The following RAD51B variants were observed in gnomAD, a reference collection of about 807,000 sequenced individuals.
RAD51B encodes DNA repair protein RAD51 homolog 2.
A neutral mutation model predicts 42.2 loss-of-function variants in RAD51B; 38 were observed. The ratio of observed to expected loss-of-function variants is 0.90; its 90% confidence interval spans 0.70 to 1.18. The LOEUF is 1.18. Ranked by LOEUF, RAD51B falls within the 50% of genes most tolerant of loss-of-function variation. The pLI is 0.00. For missense variants in RAD51B, 373 were observed against 400.7 expected, an observed-to-expected ratio of 0.93 and a Z score of 0.59; for synonymous variants, 154 against 145.2, an observed-to-expected ratio of 1.06 and a Z score of -0.43.
At chr14:68,254,400 T>A (rs1198905828) in intron 7 of RAD51B, among the ~76,000 whole-genome samples, 1 of 152,126 alleles carries the variant, frequency 6.6e-6, no homozygotes, top group African/African-American at 2.4e-5. Flanking sequence ...CACATCTCCA[T>A]TTTCACTAAC....
chr14:68,665,156 G>C (rs544102610), intron 11 of RAD51B, among the ~76,000 whole-genome samples: 1 of 152,228 alleles, frequency 6.6e-6, no homozygotes, highest in Non-Finnish European at 1.5e-5. Context: ...TAAGGCTTTT[G>C]TTGGCAAGAC....
At chr14:68,614,179 C>T (rs1891779136), downstream of RAD51B, among the ~76,000 whole-genome samples, 1 of 152,200 alleles carries the variant, frequency 6.6e-6, no homozygotes, top group African/African-American at 2.4e-5. Flanking sequence ...GTAGCAACCA[C>T]AGCTAAGAAC....
chr14:68,206,935 G>A (rs370490524), intron 7 of RAD51B, among the ~76,000 whole-genome samples: 3 of 151,874 alleles, frequency 2.0e-5, no homozygotes, highest in Admixed American at 1.3e-4. Flanking sequence ...GACTACAGGC[G>A]CCCGCCAACG....
chr14:67,842,342 A>G (rs1264495178), intron 4 of RAD51B, among the ~76,000 whole-genome samples: 2 of 151,976 alleles, frequency 1.3e-5, no homozygotes, highest in East Asian at 3.9e-4. Flanking sequence ...CAGTGAAGAG[A>G]GATGATTTTG....
At chr14:67,947,668 A>G (rs1193628587) in intron 7 of RAD51B, among the ~76,000 whole-genome samples, 1 of 152,192 alleles carries the variant, frequency 6.6e-6, no homozygotes, top group East Asian at 1.9e-4. Context: ...GTTTGAAGCA[A>G]ATGACTTGGG....
At chr14:68,012,690 C>T in intron 7 of RAD51B, among the ~76,000 whole-genome samples, 1 of 151,978 alleles carries the variant, frequency 6.6e-6, no homozygotes, top group East Asian at 1.9e-4. Flanking sequence ...AAAAATATAA[C>T]AGTATCCTTA....
intron 8 of RAD51B, among the ~76,000 whole-genome samples, chr14:68,325,331 A>G (rs1484255013): frequency 6.6e-6 from 1 of 152,182 alleles, no homozygotes; most frequent in Non-Finnish European, 1.5e-5. Flanking sequence ...ATAGGTACCC[A>G]TTATCAGAAG....
chr14:68,120,077 G>A (rs1455397937), intron 7 of RAD51B, among the ~76,000 whole-genome samples: 4 of 152,204 alleles, frequency 2.6e-5, no homozygotes, highest in African/African-American at 9.6e-5. Flanking sequence ...CAGTGATGGT[G>A]AGCGTTTTTT....
At chr14:67,857,039 A>G (rs1442092815) in intron 4 of RAD51B, among the ~76,000 whole-genome samples, 3 of 152,180 alleles carry the variant, frequency 2.0e-5, no homozygotes, top group Non-Finnish European at 4.4e-5. Flanking sequence ...TTGGGGCTGA[A>G]GCTGGGAACT....
chr14:68,190,042 C>CA (rs1312476321), intron 7 of RAD51B, among the ~76,000 whole-genome samples: 1 of 152,094 alleles, frequency 6.6e-6, no homozygotes, highest in Non-Finnish European at 1.5e-5. Context: ...GGAATGATTT[C>CA]AAATTAATTT....
At chr14:68,207,931 G>T (rs901369396) in intron 7 of RAD51B, among the ~76,000 whole-genome samples, 3 of 151,882 alleles carry the variant, frequency 2.0e-5, no homozygotes, top group African/African-American at 7.3e-5. Flanking sequence ...TTTACATTTA[G>T]CTTTTCTTAA....
At chr14:68,276,332 C>T (rs1198411354) in intron 7 of RAD51B, among the ~76,000 whole-genome samples, 1 of 152,184 alleles carries the variant, frequency 6.6e-6, no homozygotes, top group African/African-American at 2.4e-5. Flanking sequence ...GTCATACCTT[C>T]CCATCTCCTA....
At chr14:68,001,896 A>T (rs758084663) in intron 7 of RAD51B, among the ~76,000 whole-genome samples, 7 of 152,300 alleles carry the variant, frequency 4.6e-5, no homozygotes, top group Non-Finnish European at 7.3e-5. Context: ...TTATGGCTGC[A>T]TAGTATTCCA....
At chr14:68,644,840 A>T (rs146699375) in intron 10 of RAD51B, among the ~76,000 whole-genome samples, 274 of 152,292 alleles carry the variant, frequency 1.8e-3, no homozygotes, top group African/African-American at 6.5e-3. Context: ...TAAAGAAGAG[A>T]ATAAAAATAA....
chr14:68,671,498 T>G (rs568035142), intron 11 of RAD51B, among the ~76,000 whole-genome samples: 4 of 151,964 alleles, frequency 2.6e-5, no homozygotes, highest in Non-Finnish European at 5.9e-5. Context: ...TCCCTTTGCT[T>G]GAAATATCTG....
chr14:67,984,779 G>A (rs10143895), intron 7 of RAD51B, among the ~76,000 whole-genome samples: 9,097 of 152,168 alleles, frequency 0.06, 637 homozygotes, highest in African/African-American at 0.17. Context: ...AGGATGCTCC[G>A]TGGTACTCCA....
At chr14:68,278,074 C>T (rs187674668) in intron 7 of RAD51B, among the ~76,000 whole-genome samples, 4 of 152,010 alleles carry the variant, frequency 2.6e-5, no homozygotes, top group Admixed American at 6.6e-5. Flanking sequence ...GGCTCTTTTG[C>T]CTACCAGTGC....
chr14:68,272,670 T>TTA (rs2081141370), intron 7 of RAD51B, among the ~76,000 whole-genome samples: 1 of 11,310 alleles, frequency 8.8e-5, no homozygotes, highest in African/African-American at 3.3e-4. Context: ...TATATATTTT[T>TTA]TTTTTTTTTT....
intron 7 of RAD51B, among the ~76,000 whole-genome samples, chr14:67,931,958 TTTTTTA>T (rs2044754105): frequency 1.3e-5 from 2 of 149,882 alleles, no homozygotes; most frequent in South Asian, 4.3e-4. Flanking sequence ...AATTTTTTAT[TTTTTTA>T]TTTTTAACTT....
Sources: allele counts gnomAD v4.1 joint callset (sites outside exome capture counted in the v4.1 genomes callset), GRCh38; gene constraint gnomAD v4.1.1; transcripts MANE v1.5; gene names NCBI Gene and HGNC (gene_info 2026-07-23, HGNC 2026-07-21).